The following ANK1 variants were observed in gnomAD, a reference collection of about 807,000 sequenced individuals.
The protein encoded by ANK1 is ankyrin-1.
In ANK1, 51 loss-of-function variants were observed where a neutral mutation model predicts 210.4. The ratio of observed to expected loss-of-function variants is 0.24; its 90% CI spans 0.19 to 0.31. ANK1 has a LOEUF of 0.31. Among genes scored for constraint, ANK1 ranks in the 10% least tolerant of loss-of-function variants. The pLI is 1.00. For synonymous variants in ANK1, 967 were observed against 1,025.9 expected (o/e 0.94, Z 1.10); for missense variants, 2,051 against 2,504.4 (o/e 0.82, Z 3.86).
At chr8:41,877,015 T>C (rs1563950660) in intron 1 of ANK1, among the ~76,000 whole-genome samples, 2 of 152,230 alleles carry the variant, frequency 1.3e-5, no homozygotes, top group African/African-American at 2.4e-5. Context: ...CTTTATGGGC[T>C]GAGCACAGTG....
At chr8:41,767,614 C>A (rs1842132087) in intron 1 of ANK1, among the ~76,000 whole-genome samples, 1 of 152,142 alleles carries the variant, frequency 6.6e-6, no homozygotes. Flanking sequence ...TAATGCGAAG[C>A]GCTCTCCGGA....
At chr8:41,728,090 C>T in intron 3 of ANK1, 84 bp from the exon 4 acceptor site, 1 of 1,379,474 alleles carries the variant, frequency 7.2e-7, no homozygotes, top group Admixed American at 1.7e-5. Flanking sequence ...ACAGGTGCTG[C>T]TTGAGGGACC....
intron 1 of ANK1, among the ~76,000 whole-genome samples, chr8:41,853,488 G>A (rs1811634153): frequency 6.6e-6 from 1 of 152,148 alleles, no homozygotes; most frequent in South Asian, 2.1e-4. Context: ...CTTCCTACGG[G>A]TAATTTTTCA....
chr8:41,864,811 C>T (rs749067726), intron 1 of ANK1, among the ~76,000 whole-genome samples: 7 of 152,310 alleles, frequency 4.6e-5, no homozygotes, highest in African/African-American at 7.2e-5. Context: ...GCCCCTCCCT[C>T]GGCTCCCTGA....
At position 41,723,556 on chromosome 8, in the gene ANK1, G is replaced by A; in HGVS notation, c.789C>T (p.Ala263=). 6.2e-7 allele frequency: 1 copy of A among 1,614,012 alleles called. No individual in the cohort carries two copies. The highest frequency in any genetic ancestry group is 8.5e-7 in the Non-Finnish European group (1 of 1,180,004). The change falls in exon 8 of 43, where the codon GCC becomes GCT. Residue 263 remains alanine, a synonymous_variant. Transcript: ENST00000289734. ...IMVRLLLDRG[A]QIETKTKDEL... The stretch of plus-strand genomic sequence containing the variant: ...CCACCTTGGTCTTGGTTTCTATCTG[G>A]GCTCCCCGATCCAGCAGCAGCCGCA...
chr8:41,815,680 T>C (rs1489933228), intron 1 of ANK1, among the ~76,000 whole-genome samples: 1 of 152,216 alleles, frequency 6.6e-6, no homozygotes, highest in Non-Finnish European at 1.5e-5. Flanking sequence ...ACAGTAGTTT[T>C]AATTATGTTA....
At chr8:41,714,923 C>T in intron 15 of ANK1, 53 bp downstream of exon 15, 1 of 1,558,160 alleles carries the variant, frequency 6.4e-7, no homozygotes, top group African/African-American at 1.4e-5. Flanking sequence ...TGTCCATCCT[C>T]TGTCCTTGCC....
chr8:41,764,172 A>G (rs907449274), intron 1 of ANK1, among the ~76,000 whole-genome samples: 1 of 151,250 alleles, frequency 6.6e-6, no homozygotes, highest in Non-Finnish European at 1.5e-5. Flanking sequence ...TGTGCATTGC[A>G]TGCACCTGTG....
rs1563811131 is a variant in ANK1 at position 41,803,084 on chromosome 8, GGAAGGAAAGGA to G, written c.127-44958_127-44948del. 2.6e-4 allele frequency among the ~76,000 whole-genome samples: 16 copies of G among 62,696 alleles called. 1 individual carries two copies. The highest frequency in any genetic ancestry group is 4.0e-4 in the Non-Finnish European group (13 of 32,502). The allele number at this position is 62,696 out of a possible 152,430, so 41.1% of individuals were successfully genotyped here. ...GAAAGGAAGGAAGGAAGGAAGGAAG[GGAAGGAAAGGA>G]AAGGAAAGGAAAGGAAAGGAAAGGA... On this transcript the variant is annotated intron_variant, in intron 1 of 42. Coordinates refer to the ANK1 transcript ENST00000265709.
intron 1 of ANK1, among the ~76,000 whole-genome samples, chr8:41,857,323 C>T (rs550931163): frequency 9.3e-5 from 14 of 151,340 alleles, no homozygotes; most frequent in South Asian, 6.3e-4. Flanking sequence ...AGTGGCCGGG[C>T]GCGGTGGCTC....
intron 1 of ANK1, among the ~76,000 whole-genome samples, chr8:41,806,909 G>A (rs1420716793): frequency 6.6e-6 from 1 of 152,126 alleles, no homozygotes; most frequent in Admixed American, 6.5e-5. Context: ...ACCATCCACA[G>A]ATGTGAGAAA....
At chr8:41,737,579 C>T (rs1833750952) in intron 2 of ANK1, among the ~76,000 whole-genome samples, 2 of 152,324 alleles carry the variant, frequency 1.3e-5, no homozygotes, top group South Asian at 4.1e-4. Flanking sequence ...CGGAGCTGCA[C>T]TCTCCCTCCA....
At chr8:41,736,570 T>C (rs1337432071) in intron 2 of ANK1, among the ~76,000 whole-genome samples, 1 of 152,230 alleles carries the variant, frequency 6.6e-6, no homozygotes, top group Non-Finnish European at 1.5e-5. Flanking sequence ...TGCGGGAAGC[T>C]GACTCGCAGT....
intron 1 of ANK1, among the ~76,000 whole-genome samples, chr8:41,887,081 G>A (rs984560438): frequency 6.6e-6 from 1 of 151,996 alleles, no homozygotes; most frequent in African/African-American, 2.4e-5. Context: ...TGAGGGTGTG[G>A]CATCAGCTAT....
chr8:41,883,748 C>T (rs140676795), intron 1 of ANK1, among the ~76,000 whole-genome samples: 32 of 152,310 alleles, frequency 2.1e-4, no homozygotes, highest in African/African-American at 7.2e-4. Context: ...GCATGAGCTA[C>T]AGCACCTGGC....
At chr8:41,699,039 T>A (rs1345245649) in intron 23 of ANK1, among the ~76,000 whole-genome samples, 1 of 152,148 alleles carries the variant, frequency 6.6e-6, no homozygotes, top group East Asian at 1.9e-4. Flanking sequence ...CCTCAGGTGA[T>A]CCTCCTGCCT....
intron 1 of ANK1, among the ~76,000 whole-genome samples, chr8:41,805,165 CTCTCTT>C (rs1850755148): frequency 6.9e-6 from 1 of 145,792 alleles, no homozygotes; most frequent in African/African-American, 2.8e-5. Context: ...CTTTCTCTCT[CTCTCTT>C]TCTTTCTTTC....
At chr8:41,720,846 G>A (rs75288353) in intron 9 of ANK1, among the ~76,000 whole-genome samples, 6,312 of 152,174 alleles carry the variant, frequency 0.041, 170 homozygotes, top group Non-Finnish European at 0.055. Flanking sequence ...CTACCCTAGG[G>A]GAACCCAGGG....
chr8:41,784,742 A>G (rs898922398), intron 1 of ANK1, among the ~76,000 whole-genome samples: 4 of 152,226 alleles, frequency 2.6e-5, no homozygotes, highest in Non-Finnish European at 5.9e-5. Flanking sequence ...ACATCCTGCA[A>G]TGCATCTGGG....
Sources: gnomAD v4.1 joint callset for allele counts (sites outside exome capture counted in the v4.1 genomes callset) on GRCh38, gnomAD v4.1.1 for gene constraint, MANE v1.5 for transcripts, NCBI Gene and HGNC (gene_info 2026-07-23, HGNC 2026-07-21) for gene names.